The following RAPGEF1 variants were observed in gnomAD, a reference collection of about 807,000 sequenced individuals.
RAPGEF1 encodes CRK SH3-binding GNRP.
In RAPGEF1, 33 loss-of-function variants were observed where a neutral mutation model predicts 143.3. The observed-to-expected ratio is 0.23, with a 90% CI of 0.17 to 0.31. The LOEUF (loss-of-function observed/expected upper bound fraction) is 0.31. Among genes scored for constraint, RAPGEF1 ranks in the 10% least tolerant of loss-of-function variants. RAPGEF1 has a pLI of 1.00. For synonymous variants in RAPGEF1, 629 were observed against 676.5 expected (o/e 0.93, Z 1.09); for missense variants, 1,199 against 1,645.4 (o/e 0.73, Z 4.69).
rs1370736342 is a variant in RAPGEF1 at position 131,576,904 on chromosome 9, G to A, written c.*2593C>T. 2.6e-5 allele frequency: 4 copies of A among 152,142 alleles called. No individual in the cohort carries two copies. The highest frequency in any genetic ancestry group is 4.1e-4 in the South Asian group (2 of 4,832). The allele number at this position is 152,142 out of a possible 1,614,324, so 9.4% of individuals were successfully genotyped here. On this transcript the variant is annotated 3_prime_UTR_variant, in exon 27 of 27. Transcript: ENST00000683357. ...ATTACAATGTAACCCTGTGGAGGTC[G>A]TGGGGCCGGAGCGGGAAGATGCTCC...
intron 1 of RAPGEF1, among the ~76,000 whole-genome samples, chr9:131,701,763 C>A (rs7869299): frequency 0.094 from 14,279 of 152,240 alleles, 781 homozygotes; most frequent in Middle Eastern, 0.27. Flanking sequence ...CACAAAGCCA[C>A]ACTCTAGCTG....
chr9:131,609,872 T>G (rs1225591338), intron 12 of RAPGEF1, among the ~76,000 whole-genome samples: 1 of 152,186 alleles, frequency 6.6e-6, no homozygotes, highest in Non-Finnish European at 1.5e-5. Context: ...TGTGTTGCCT[T>G]AGCAAGAAAG....
chr9:131,605,358 C>T (rs879118298), intron 12 of RAPGEF1, among the ~76,000 whole-genome samples, 170 bp from the exon 13 acceptor site: 1 of 152,210 alleles, frequency 6.6e-6, no homozygotes, highest in Admixed American at 6.5e-5. Flanking sequence ...GTGATACCCA[C>T]ACCCAGCACC....
chr9:131,703,750 T>A (rs150490154), intron 1 of RAPGEF1, among the ~76,000 whole-genome samples: 458 of 152,340 alleles, frequency 3.0e-3, no homozygotes, highest in Non-Finnish European at 5.5e-3. Flanking sequence ...AGGTACTGAA[T>A]GCTCCAGGAG....
chr9:131,670,305 C>T (rs1831160512), intron 1 of RAPGEF1, among the ~76,000 whole-genome samples: 1 of 152,318 alleles, frequency 6.6e-6, no homozygotes, highest in African/African-American at 2.4e-5. Flanking sequence ...CAGTGTTCCA[C>T]TTAAGTCAGC....
intron 3 of RAPGEF1, among the ~76,000 whole-genome samples, chr9:131,649,168 G>C (rs1482040627): frequency 6.7e-6 from 1 of 150,350 alleles, no homozygotes; most frequent in Non-Finnish European, 1.5e-5. Flanking sequence ...AAGCAGCTGG[G>C]ATTACAGGCG....
chr9:131,646,601 C>T (rs537770502), intron 3 of RAPGEF1, among the ~76,000 whole-genome samples: 43 of 152,278 alleles, frequency 2.8e-4, no homozygotes, highest in African/African-American at 7.5e-4. Context: ...ACAGCCGTGC[C>T]GCAGCCGGGA....
At chr9:131,609,390 G>A (rs1416796394) in intron 12 of RAPGEF1, among the ~76,000 whole-genome samples, 2 of 152,154 alleles carry the variant, frequency 1.3e-5, no homozygotes, top group African/African-American at 4.8e-5. Flanking sequence ...CAATCAGTTC[G>A]TGTTTTCTGA....
intron 1 of RAPGEF1, among the ~76,000 whole-genome samples, chr9:131,682,847 C>A (rs979609022): frequency 4.6e-5 from 7 of 152,182 alleles, no homozygotes; most frequent in Non-Finnish European, 8.8e-5. Context: ...TCAATCATTT[C>A]TCTACAGCAC....
intron 1 of RAPGEF1, among the ~76,000 whole-genome samples, chr9:131,705,738 C>A (rs978041450): frequency 1.2e-4 from 19 of 152,120 alleles, no homozygotes; most frequent in African/African-American, 4.1e-4. Flanking sequence ...GTATAATGGT[C>A]CCCTCATCGG....
At chr9:131,665,908 G>A (rs1296262712) in intron 1 of RAPGEF1, among the ~76,000 whole-genome samples, 1 of 152,122 alleles carries the variant, frequency 6.6e-6, no homozygotes, top group Non-Finnish European at 1.5e-5. Context: ...CAGAATTCAG[G>A]GGACAGAGAA....
rs1968070755 is a variant in RAPGEF1, at chr9:131,641,790, C to T, written c.494+1449G>A. 1.3e-5 allele frequency among the ~76,000 whole-genome samples: 2 copies of T among 152,262 alleles called. No individual in the cohort carries two copies. The highest frequency in any genetic ancestry group is 2.9e-5 in the Non-Finnish European group (2 of 68,044). On this transcript the variant is annotated intron_variant, in intron 4 of 26. Coordinates refer to ENST00000683357, the MANE Select transcript of RAPGEF1 (RefSeq NM_001377935.1). The surrounding 1 kb of genome is among the most constrained non-coding windows in gnomAD (Gnocchi z 4.6). Reference sequence around the variant, plus strand: ...GAAGACAAGCATGCCCTGCCTCCTTCCCGTCACCAACCAGCGCCAGCGAGC... The same window carrying T: ...GAAGACAAGCATGCCCTGCCTCCTTTCCGTCACCAACCAGCGCCAGCGAGC...
chr9:131,681,708 G>A (rs1832925450), intron 1 of RAPGEF1, among the ~76,000 whole-genome samples: 2 of 152,130 alleles, frequency 1.3e-5, no homozygotes, highest in Non-Finnish European at 2.9e-5. Context: ...TTGGGGGTCG[G>A]CGGCTGGGCT....
intron 1 of RAPGEF1, chr9:131,709,543 C>T (rs1835355897): frequency 7.1e-7 from 1 of 1,408,088 alleles, no homozygotes; most frequent in African/African-American, 1.4e-5. Context: ...GGCACTTCAG[C>T]TCTGCTGCTG....
At chr9:131,690,039 T>C (rs1321820102) in intron 1 of RAPGEF1, among the ~76,000 whole-genome samples, 1 of 152,176 alleles carries the variant, frequency 6.6e-6, no homozygotes, top group Admixed American at 6.5e-5. Flanking sequence ...AAAAAAACTG[T>C]ATTAGGGCAC....
chr9:131,614,604 C>T (rs1386290600), intron 12 of RAPGEF1, among the ~76,000 whole-genome samples: 5 of 152,186 alleles, frequency 3.3e-5, no homozygotes, highest in Admixed American at 1.3e-4. Context: ...CAACAGGTCC[C>T]GAGGGGCTGG....
chr9:131,612,125 G>C (rs1248509927), intron 12 of RAPGEF1, among the ~76,000 whole-genome samples: 1 of 152,232 alleles, frequency 6.6e-6, no homozygotes, highest in Non-Finnish European at 1.5e-5. Context: ...CTCAGGATGC[G>C]TGTCAGTGCA....
In RAPGEF1 at chr9:131,638,859, C is replaced by G. The variant is rs1966908244; in HGVS notation, c.495-68G>C. On this transcript the variant is annotated intron_variant, in intron 4 of 26. Coordinates refer to ENST00000683357, the MANE Select transcript of RAPGEF1 (RefSeq NM_001377935.1). The stretch of plus-strand genomic sequence containing the variant: ...TGACCATCACTTAGCACAGAGCCAG[C>G]TTCTCGGTGACAAGGGTGTGTTTCT... 4 of 1,481,248 alleles carry G rather than the reference C, an allele frequency of 2.7e-6. No individual in the cohort carries two copies. In the Admixed American group the frequency reaches 6.1e-5, roughly 23 times the overall value. 91.8% of individuals were successfully genotyped at this position (1,481,248 alleles called of 1,614,324 possible).
At chr9:131,636,231 C>T (rs1330317619) in intron 5 of RAPGEF1, among the ~76,000 whole-genome samples, 1 of 152,254 alleles carries the variant, frequency 6.6e-6, no homozygotes, top group African/African-American at 2.4e-5. Context: ...CAGCTTTGCT[C>T]ATATTTCCTA....
Sources: gnomAD v4.1 joint callset for allele counts (sites outside exome capture counted in the v4.1 genomes callset) on GRCh38, gnomAD v4.1.1 for gene constraint, Gnocchi (gnomAD v3.1) non-coding constraint, MANE v1.5 for transcripts, NCBI Gene and HGNC (gene_info 2026-07-23, HGNC 2026-07-21) for gene names.